KCTD2: variants seen among roughly 807,000 people sequenced by gnomAD.
KCTD2 encodes the protein BTB/POZ domain-containing protein KCTD2.
In KCTD2, 18 loss-of-function variants were observed where a neutral mutation model predicts 27.9. The ratio of observed to expected loss-of-function variants is 0.64; its 90% CI spans 0.45 to 0.96. KCTD2 has a LOEUF of 0.96. KCTD2 is among the 40% of genes least tolerant of loss of function. The probability of loss-of-function intolerance (pLI) is 0.00; values close to 1 mark genes in which losing one functional copy is unlikely to be tolerated. For synonymous variants in KCTD2, 175 were observed against 148.4 expected (o/e 1.18, Z -1.30); for missense variants, 280 against 348.0 (o/e 0.80, Z 1.56).
At chr17:75,044,695 C>T (rs530263451), upstream of KCTD2, among the ~76,000 whole-genome samples, 7 of 152,098 alleles carry the variant, frequency 4.6e-5, no homozygotes, top group African/African-American at 1.4e-4. Context: ...ATACAGAAAA[C>T]GACTACAGCC....
In KCTD2 at chr17:75,053,822, C is replaced by T. The variant is rs1598124373; in HGVS notation, c.540+717C>T. ...CCTGTGAGCCACTTGAAACCAGTCT[C>T]ATGGGGTACGCTTCAGCAGCTGCTT... is the stretch of plus-strand genomic sequence containing the variant. On this transcript the variant is annotated intron_variant, in intron 3 of 5. Coordinates refer to ENST00000322444, the MANE Select transcript of KCTD2 (RefSeq NM_015353.3). Among the ~76,000 whole-genome samples the T allele has an allele frequency of 2.1e-5, 3 of 140,520 alleles. 1 individual carries two copies. In the Admixed American group the frequency reaches 2.2e-4, roughly 10 times the overall value. The allele number at this position is 140,520 out of a possible 152,430, so 92.2% of individuals were successfully genotyped here.
chr17:75,035,776 T>A (rs563616116), intron 3 of KCTD2, among the ~76,000 whole-genome samples: 43 of 152,204 alleles, frequency 2.8e-4, no homozygotes, highest in Admixed American at 7.8e-4. Context: ...GAGGTTGCAG[T>A]GAGCCGTGAT....
Position 75,039,189 on chromosome 17 carries a change from C to G in KCTD2, c.-259+3832C>G, listed in dbSNP as rs371155959. The G allele has an allele frequency of 2.5e-6, 4 of 1,613,726 alleles. No individual in the cohort carries two copies. The African/African-American group carries it at 5.3e-5, about 22-fold the overall frequency. ...AAGAGAGAACCCATATTATAGGCAA[C>G]GGCTACCCATCATCCTTACCTCTTT... On this transcript the variant is annotated intron_variant, in intron 3 of 7. Transcript: ENST00000581589.
At position 75,042,000 on chromosome 17, in the gene KCTD2, C is replaced by T. The variant is rs960068521; in HGVS notation, c.-259+6643C>T. The T allele has an allele frequency of 5.4e-6, 3 of 560,160 alleles. No homozygotes were observed. In the Admixed American group the frequency reaches 1.0e-4, roughly 19 times the overall value. The allele number at this position is 560,160 out of a possible 1,614,324, so 34.7% of individuals were successfully genotyped here. A position where few individuals can be genotyped will look rare whatever the true frequency, so the allele number is the denominator to read the frequency against. On this transcript the variant is annotated intron_variant, in intron 3 of 7. Coordinates refer to the KCTD2 transcript ENST00000581589. ...AGGCTACACTCTACTGCTGAATGAA[C>T]AGAGCCTAAATTCCTGCACCTATTT...
upstream of KCTD2, chr17:75,047,011 C>T (rs1295768483): frequency 9.0e-6 from 2 of 223,074 alleles, no homozygotes; most frequent in Non-Finnish European, 1.8e-5. Flanking sequence ...AACCCCAAAG[C>T]CAAGGGGGTG....
chr17:75,034,591 A>C (rs922216206), intron 2 of KCTD2, among the ~76,000 whole-genome samples: 10 of 152,194 alleles, frequency 6.6e-5, no homozygotes, highest in African/African-American at 1.2e-4. Context: ...CCGCGCTCCA[A>C]GCCTGAGAAG....
chr17:75,040,338 G>A (rs1203196846), intron 3 of KCTD2: 2 of 677,642 alleles, frequency 3.0e-6, no homozygotes, highest in East Asian at 5.4e-5. Flanking sequence ...CAATACTGGA[G>A]TAGAAAGAAT....
intron 3 of KCTD2, among the ~76,000 whole-genome samples, chr17:75,058,624 C>T (rs939627487): frequency 1.2e-4 from 18 of 148,562 alleles, no homozygotes; most frequent in Admixed American, 6.8e-5. Flanking sequence ...CATGGTGAAT[C>T]CCCTTCTCTA....
rs539414071 is a variant in KCTD2 at position 75,058,623 on chromosome 17, T to TC, written c.541-883dup. Among the ~76,000 whole-genome samples the TC allele has an allele frequency of 1.7e-3, 241 of 140,800 alleles. 1 individual carries two copies. The highest frequency in any genetic ancestry group is 6.0e-3 in the African/African-American group (224 of 37,048). 92.4% of individuals were successfully genotyped at this position (140,800 alleles called of 152,430 possible). ...GACCAAGCCTGGCCAACATGGTGAA[T>TC]CCCCTTCTCTACTAAAAATACAAAA... On this transcript the variant is annotated intron_variant, in intron 3 of 5. Transcript: ENST00000322444.
chr17:75,040,211 A>G (rs761898764), intron 3 of KCTD2: 2 of 1,610,146 alleles, frequency 1.2e-6, no homozygotes, highest in Non-Finnish European at 1.7e-6. Flanking sequence ...AACTACAAAC[A>G]CAAGGACAGT....
At chr17:75,050,401 A>G (rs2073272285) in intron 2 of KCTD2, among the ~76,000 whole-genome samples, 1 of 152,062 alleles carries the variant, frequency 6.6e-6, no homozygotes, top group Non-Finnish European at 1.5e-5. Context: ...AGCTGGGATT[A>G]CAGGCGTGCA....
rs891058116 is a variant in KCTD2, at chr17:75,065,443, ACT to A, written c.*2401_*2402del. On this transcript the variant is annotated 3_prime_UTR_variant, in exon 6 of 6. Transcript: ENST00000322444. Reference sequence around the variant, plus strand: ...GGCTGTCACGTGACCAGTGACCCACACTCTCTGCTGCCCAGTACTGCCAAGTG... The same window carrying A: ...GGCTGTCACGTGACCAGTGACCCACACTCTGCTGCCCAGTACTGCCAAGTG... 2.8e-4 allele frequency: 43 copies of A among 151,886 alleles called. No individual in the cohort carries two copies. The highest frequency in any genetic ancestry group is 8.9e-4 in the African/African-American group (37 of 41,376). 9.4% of individuals were successfully genotyped at this position (151,886 alleles called of 1,614,324 possible). A position where few individuals can be genotyped will look rare whatever the true frequency, so the allele number is the denominator to read the frequency against.
chr17:75,040,960 A>G (rs1021269331), intron 3 of KCTD2: 8 of 152,098 alleles, frequency 5.3e-5, no homozygotes, highest in Admixed American at 4.6e-4. Flanking sequence ...TAGGCCCTCC[A>G]TACACATCTT....
At chr17:75,049,593 C>G in intron 2 of KCTD2, among the ~76,000 whole-genome samples, 1 of 152,168 alleles carries the variant, frequency 6.6e-6, no homozygotes, top group Non-Finnish European at 1.5e-5. Flanking sequence ...TTCCGAATCT[C>G]CAGAATTGTC....
chr17:75,044,023 CTT>C (rs11312083), upstream of KCTD2, among the ~76,000 whole-genome samples: 1,785 of 127,700 alleles, frequency 0.014, 30 homozygotes, highest in African/African-American at 0.054. Context: ...ACGTTGTGCA[CTT>C]TTTTTTTTTT....
At chr17:75,036,830 G>A (rs1234353367) in intron 3 of KCTD2, among the ~76,000 whole-genome samples, 2 of 152,180 alleles carry the variant, frequency 1.3e-5, no homozygotes, top group African/African-American at 2.4e-5. Context: ...GCACATTAAA[G>A]GCCTTGCACA....
At chr17:75,039,062 AT>A in intron 3 of KCTD2, 3 of 1,613,962 alleles carry the variant, frequency 1.9e-6, no homozygotes, top group Non-Finnish European at 2.5e-6. Flanking sequence ...CATCTTCTCC[AT>A]CTGGAAAGAG....
At chr17:75,040,041 G>A (rs754101499) in intron 3 of KCTD2, 1 of 1,584,380 alleles carries the variant, frequency 6.3e-7, no homozygotes, top group Non-Finnish European at 8.7e-7. Flanking sequence ...ATAATAGAGA[G>A]CTGTCAAGAT....
chr17:75,050,638 T>G (rs746707929), intron 2 of KCTD2, among the ~76,000 whole-genome samples: 1 of 152,188 alleles, frequency 6.6e-6, no homozygotes, highest in Non-Finnish European at 1.5e-5. Context: ...CCTCAAGCAT[T>G]TATCCTTTGT....
Sources: gnomAD v4.1 joint callset for allele counts (sites outside exome capture counted in the v4.1 genomes callset) on GRCh38, gnomAD v4.1.1 for gene constraint, MANE v1.5 for transcripts, NCBI Gene and HGNC (gene_info 2026-07-23, HGNC 2026-07-21) for gene names.